Variants in HSPG2 observed in about 807,000 individuals in gnomAD.
The protein encoded by HSPG2 is basement membrane-specific heparan sulfate proteoglycan core protein.
A neutral mutation model predicts 526.6 loss-of-function variants in HSPG2; 278 were observed. That is an observed-to-expected ratio of 0.53 (90% CI 0.48 to 0.58). The LOEUF (loss-of-function observed/expected upper bound fraction) is 0.58, where lower values mean the gene tolerates loss of function less well. Among genes scored for constraint, HSPG2 ranks in the 20% least tolerant of loss-of-function variants. The probability of loss-of-function intolerance (pLI) is 0.00; values close to 1 mark genes in which losing one functional copy is unlikely to be tolerated. For synonymous variants in HSPG2, 2,465 were observed against 2,555.4 expected, an observed-to-expected ratio of 0.96 and a Z score of 1.07; for missense variants, 5,354 against 6,099.5, an observed-to-expected ratio of 0.88 and a Z score of 4.07.
intron 29 of HSPG2, 99 bp downstream of exon 29, chr1:21,873,826 A>G: frequency 9.7e-7 from 1 of 1,026,362 alleles, no homozygotes; most frequent in Non-Finnish European, 1.4e-6. Context: ...AGCGAGAGGC[A>G]TCCCTGATTC....
rs746744533 is a variant in HSPG2, at chr1:21,855,909, G to A, written c.5579C>T (p.Ser1860Leu). ...GACCACGGGGGCGGACAAGGTGCCCGAGGCTGACAAGGGAGGAAAAGGAAC... is the reference window on the plus strand; with the variant it reads ...GACCACGGGGGCGGACAAGGTGCCCAAGGCTGACAAGGGAGGAAAAGGAAC... ...QGTATLHVQA[S>L]GTLSAPVVSI... Residue 1860 changes from serine (S) to leucine (L), a missense_variant, in exon 45 of 97, where the codon TCG becomes TTG. Transcript: ENST00000374695. 5 of 1,608,974 alleles carry A rather than the reference G, an allele frequency of 3.1e-6. No individual in the cohort carries two copies. The highest frequency in any genetic ancestry group is 2.2e-5 in the East Asian group (1 of 44,896).
intron 81 of HSPG2, 38 bp from the exon 82 acceptor site, chr1:21,831,834 TA>T (rs2152693168): frequency 3.2e-6 from 5 of 1,561,006 alleles, no homozygotes; most frequent in Non-Finnish European, 4.3e-6. Flanking sequence ...AGAGAGTGGA[TA>T]GGGGGTTTGT....
chr1:21,910,075 C>T (rs11583593), intron 1 of HSPG2, among the ~76,000 whole-genome samples: 1 of 152,234 alleles, frequency 6.6e-6, no homozygotes, highest in Non-Finnish European at 1.5e-5. Context: ...AGGGAAGTGC[C>T]TGAAGACCTC....
At chr1:21,916,671 G>A (rs1211558092) in intron 1 of HSPG2, among the ~76,000 whole-genome samples, 1 of 141,810 alleles carries the variant, frequency 7.1e-6, no homozygotes, top group Non-Finnish European at 1.5e-5. Context: ...CAGCCCAGGC[G>A]ACAGTGCGAG....
intron 1 of HSPG2, among the ~76,000 whole-genome samples, chr1:21,907,047 C>T (rs372999847): frequency 6.6e-6 from 1 of 152,124 alleles, no homozygotes; most frequent in Non-Finnish European, 1.5e-5. Context: ...GTGATTGACA[C>T]CTGTCACCTG....
At chr1:21,850,293 C>A in intron 56 of HSPG2, 70 bp downstream of exon 56, 1 of 1,608,086 alleles carries the variant, frequency 6.2e-7, no homozygotes, top group Non-Finnish European at 8.5e-7. Context: ...GCCTCCTGAT[C>A]CTGCCGTTGC....
In HSPG2 at chr1:21,854,600, G is replaced by T; in HGVS notation, c.6288+11C>A. The T allele has an allele frequency of 6.4e-7, 1 of 1,554,564 alleles. No homozygotes were observed. Among genetic ancestry groups the T allele is most frequent in the Non-Finnish European group, 8.7e-7 (1 of 1,147,144 alleles). ...CCTGGGTCCCCTGCCATAGGCTCAG[G>T]GCCCACATACCTGGGTGTGGGGAGG... On this transcript the variant is annotated intron_variant, in intron 49 of 96. Coordinates refer to ENST00000374695, the MANE Select transcript of HSPG2 (RefSeq NM_005529.7).
At position 21,838,251 on chromosome 1, in the gene HSPG2, C is replaced by T. The variant is rs149110983; in HGVS notation, c.10150+574G>A. ...CTGTGCTTTGAACCCAGGTCTGAGT[C>T]CACAGTCCAGGCTCTTGACCAGTGG... On this transcript the variant is annotated intron_variant, in intron 74 of 96. Coordinates refer to ENST00000374695, the MANE Select transcript of HSPG2 (RefSeq NM_005529.7). Among the ~76,000 whole-genome samples, 1,337 of 152,168 alleles carry T rather than the reference C, an allele frequency of 8.8e-3. 9 individuals carry two copies. The highest frequency in any genetic ancestry group is 0.03 in the African/African-American group (1,248 of 41,514).
intron 1 of HSPG2, among the ~76,000 whole-genome samples, chr1:21,902,449 C>A (rs1037834132): frequency 6.6e-6 from 1 of 152,210 alleles, no homozygotes; most frequent in Non-Finnish European, 1.5e-5. Context: ...CTCAGATCCA[C>A]CACAACCTCA....
rs1027467193 is a variant in HSPG2, at chr1:21,873,343, C to T, written c.3793+32G>A. The T allele has an allele frequency of 2.5e-6, 4 of 1,613,624 alleles. No individual in the cohort carries two copies. In the African/African-American group the frequency reaches 5.3e-5, roughly 22 times the overall value. On this transcript the variant is annotated intron_variant, in intron 30 of 96. Coordinates refer to ENST00000374695, the MANE Select transcript of HSPG2 (RefSeq NM_005529.7). ...CTCCGCCCTAGGGACTCTGGGTAAC[C>T]CGACCCCAATGACCTCCCCAATCCT...
chr1:21,879,894 C>A (rs1306862510), intron 17 of HSPG2, among the ~76,000 whole-genome samples: 1 of 152,180 alleles, frequency 6.6e-6, no homozygotes, highest in East Asian at 1.9e-4. Flanking sequence ...CTCAAGTGAT[C>A]CACCCATCTA....
intron 1 of HSPG2, among the ~76,000 whole-genome samples, chr1:21,920,034 G>A (rs1324065873): frequency 6.6e-6 from 1 of 152,190 alleles, no homozygotes; most frequent in Non-Finnish European, 1.5e-5. Context: ...AGCCTCCCAG[G>A]TAGCTGGGAT....
intron 1 of HSPG2, among the ~76,000 whole-genome samples, chr1:21,923,401 G>A (rs965465700): frequency 1.4e-5 from 2 of 143,182 alleles, no homozygotes; most frequent in Non-Finnish European, 3.1e-5. Context: ...GCAAGACTCC[G>A]TCTCAAAAAA....
chr1:21,890,326 A>C lies in HSPG2; in HGVS notation c.413+101T>G, dbSNP rs148123672. 1.5e-6 allele frequency: 2 copies of C among 1,331,528 alleles called. No homozygotes were observed. Among genetic ancestry groups the C allele is most frequent in the Non-Finnish European group, 2.2e-6 (2 of 925,990 alleles). The allele number at this position is 1,331,528 out of a possible 1,614,324, so 82.5% of individuals were successfully genotyped here. On this transcript the variant is annotated intron_variant, in intron 5 of 96. Coordinates refer to ENST00000374695, the MANE Select transcript of HSPG2 (RefSeq NM_005529.7). This position sits in a 1 kb window ranked among gnomAD's most constrained non-coding sequence, Gnocchi z 4.1. ...ATTTCCACCCACAGCGACTCATCCC[A>C]TAGGCCTTTCCGCGGTGCCAGGCTT...
intron 3 of HSPG2, among the ~76,000 whole-genome samples, chr1:21,892,849 T>G (rs1326814288): frequency 9.0e-6 from 1 of 111,488 alleles, no homozygotes. Context: ...GGTGACAGAG[T>G]GAGACTCCAT....
chr1:21,884,689 G>A lies in HSPG2; in HGVS notation c.1508-15C>T, dbSNP rs750306743. ...AGGGCAGGGGCCTGCTGGGCGGCATGGGCGGGGGCTGCAGCCGGCTGTGGT... is the reference window on the plus strand; with the variant it reads ...AGGGCAGGGGCCTGCTGGGCGGCATAGGCGGGGGCTGCAGCCGGCTGTGGT... On this transcript the variant is annotated splice_polypyrimidine_tract_variant and intron_variant, in intron 12 of 96. Coordinates refer to ENST00000374695, the MANE Select transcript of HSPG2 (RefSeq NM_005529.7). 1.3e-5 allele frequency: 21 copies of A among 1,610,530 alleles called. No homozygotes were observed. In the Admixed American group the frequency reaches 1.8e-4, roughly 14 times the overall value.
intron 1 of HSPG2, among the ~76,000 whole-genome samples, chr1:21,925,528 C>A (rs536042151): frequency 2.6e-4 from 40 of 152,314 alleles, no homozygotes; most frequent in African/African-American, 8.7e-4. Context: ...TGAGAAGAAT[C>A]AGGGTTCCCA....
chr1:21,906,727 G>T, intron 1 of HSPG2, among the ~76,000 whole-genome samples: 1 of 116,756 alleles, frequency 8.6e-6, no homozygotes, highest in South Asian at 2.7e-4. Flanking sequence ...ATGGGACTGG[G>T]GGGTGGGGGG....
Position 21,855,516 on chromosome 1 carries a change from C to T in HSPG2, c.5854+7G>A, listed in dbSNP as rs1205438856. On this transcript the variant is annotated splice_region_variant and intron_variant, in intron 46 of 96. Transcript: ENST00000374695. ...TCCCGGCCCCCACCCTGAGCCCGGCCTCTCACCATGCACGTGGAGCACAGC... is the reference window on the plus strand; with the variant it reads ...TCCCGGCCCCCACCCTGAGCCCGGCTTCTCACCATGCACGTGGAGCACAGC... 1.9e-6 allele frequency: 3 copies of T among 1,610,254 alleles called. No homozygotes were observed. Among genetic ancestry groups the T allele is most frequent in the Admixed American group, 3.3e-5 (2 of 59,702 alleles).
Sources: allele counts gnomAD v4.1 joint callset (sites outside exome capture counted in the v4.1 genomes callset), GRCh38; gene constraint gnomAD v4.1.1; non-coding constraint Gnocchi (gnomAD v3.1); transcripts MANE v1.5; gene names NCBI Gene and HGNC (gene_info 2026-07-23, HGNC 2026-07-21).